Variants in CERS3 observed in about 807,000 individuals in gnomAD.
The protein encoded by CERS3 is LAG1 homolog, ceramide synthase 3.
Under a neutral mutation model 50.3 loss-of-function variants are expected in CERS3, and 33 were observed. The observed-to-expected ratio is 0.66, with a 90% CI of 0.50 to 0.88. CERS3 has a LOEUF of 0.88. CERS3 is among the 40% of genes least tolerant of loss of function. The pLI is 0.00. For missense variants in CERS3, 470 were observed against 460.3 expected, an observed-to-expected ratio of 1.02 and a Z score of -0.19; for synonymous variants, 176 against 155.2, an observed-to-expected ratio of 1.13 and a Z score of -0.99.
chr15:100,440,923 T>C (rs958717956), intron 11 of CERS3, among the ~76,000 whole-genome samples: 1 of 152,206 alleles, frequency 6.6e-6, no homozygotes, highest in African/African-American at 2.4e-5. Flanking sequence ...GACCCAAAAC[T>C]CCGGCACTGG....
chr15:100,469,305 C>A, intron 10 of CERS3, 73 bp downstream of exon 10: 2 of 1,114,988 alleles, frequency 1.8e-6, no homozygotes, highest in Non-Finnish European at 2.7e-6. Flanking sequence ...AGGGCAATGC[C>A]CTGAGGGTAA....
rs1470019229 is a variant in CERS3, at chr15:100,501,823, G to A, written c.27C>T (p.Phe9=). MFWTFKEW[F]WLERFWLPPT... The stretch of plus-strand genomic sequence containing the variant: ...GAGGAAGCCAGAATCTTTCCAACCA[G>A]AACCATTCTTTAAACGTCCAAAACA... Residue 9 remains phenylalanine, a synonymous_variant, in exon 3 of 12, where the codon TTC becomes TTT. Coordinates refer to ENST00000679737, the MANE Select transcript of CERS3 (RefSeq NM_001378789.1). The A allele has an allele frequency of 6.2e-7, 1 of 1,614,060 alleles. No individual in the cohort carries two copies. Among genetic ancestry groups the A allele is most frequent in the Admixed American group, 1.7e-5 (1 of 60,006 alleles).
chr15:100,472,681 A>G (rs977054349), intron 9 of CERS3, among the ~76,000 whole-genome samples: 4 of 152,202 alleles, frequency 2.6e-5, no homozygotes, highest in Non-Finnish European at 5.9e-5. Context: ...ATGTGCATGC[A>G]ACCTTCAGGA....
At chr15:100,507,643 C>A (rs1044420365) in intron 2 of CERS3, among the ~76,000 whole-genome samples, 2 of 152,226 alleles carry the variant, frequency 1.3e-5, no homozygotes, top group African/African-American at 4.8e-5. Context: ...ACATAGTAGT[C>A]AGTGAAAATT....
intron 1 of CERS3, among the ~76,000 whole-genome samples, chr15:100,525,153 T>C (rs997337325): frequency 6.6e-6 from 1 of 152,228 alleles, no homozygotes; most frequent in African/African-American, 2.4e-5. Flanking sequence ...AATGTGAGTG[T>C]GTGTTTACCA....
intron 2 of CERS3, among the ~76,000 whole-genome samples, chr15:100,521,019 CAAT>C (rs1478317755): frequency 3.3e-5 from 5 of 152,148 alleles, no homozygotes; most frequent in African/African-American, 9.7e-5. Context: ...ATCCTTACAA[CAAT>C]AATAATTATG....
intron 2 of CERS3, among the ~76,000 whole-genome samples, chr15:100,509,445 C>T (rs1444829061): frequency 1.3e-5 from 2 of 152,184 alleles, no homozygotes; most frequent in East Asian, 3.8e-4. Flanking sequence ...GAACATATCT[C>T]TCAGATAGAG....
At position 100,435,814 on chromosome 15, in the gene CERS3, G is replaced by T. The variant is rs556562797; in HGVS notation, c.999+20079C>A. ...CAACCCCATCAAAAAGTGGGTCAAG[G>T]GTATGAACAGACACTTTTCAAAAGA... On this transcript the variant is annotated intron_variant, in intron 11 of 11. Coordinates refer to ENST00000679737, the MANE Select transcript of CERS3 (RefSeq NM_001378789.1). 3.9e-5 allele frequency among the ~76,000 whole-genome samples: 6 copies of T among 152,190 alleles called. No homozygotes were observed. The East Asian group carries it at 1.2e-3, about 29-fold the overall frequency.
chr15:100,493,395 T>A (rs1425074889), intron 3 of CERS3, among the ~76,000 whole-genome samples: 4 of 152,224 alleles, frequency 2.6e-5, no homozygotes, highest in African/African-American at 9.6e-5. Flanking sequence ...TAGATGCTGA[T>A]GAGAAATCGA....
At chr15:100,421,674 C>G (rs1182280254) in intron 11 of CERS3, among the ~76,000 whole-genome samples, 7 of 150,402 alleles carry the variant, frequency 4.7e-5, no homozygotes, top group South Asian at 2.1e-4. Flanking sequence ...TGCTACCTGA[C>G]TTCAAACTAT....
intron 11 of CERS3, 94 bp from the exon 12 acceptor site, chr15:100,402,959 T>A: frequency 7.9e-7 from 1 of 1,268,082 alleles, no homozygotes; most frequent in Non-Finnish European, 1.1e-6. Context: ...TGGCTCCCTT[T>A]AAGGAAAACC....
At chr15:100,527,895 C>T (rs947631318) in intron 1 of CERS3, among the ~76,000 whole-genome samples, 4 of 124,920 alleles carry the variant, frequency 3.2e-5, no homozygotes, top group South Asian at 2.7e-4. Context: ...ACTTTTTATC[C>T]AGAAATTCTA....
intron 7 of CERS3, among the ~76,000 whole-genome samples, chr15:100,478,422 C>T (rs1039811571): frequency 6.6e-6 from 1 of 152,096 alleles, no homozygotes; most frequent in African/African-American, 2.4e-5. Flanking sequence ...TGGTAGACAG[C>T]ATGTAGTTTA....
chr15:100,543,571 C>A (rs1450372639), intron 1 of CERS3, among the ~76,000 whole-genome samples: 2 of 149,758 alleles, frequency 1.3e-5, no homozygotes, highest in African/African-American at 2.5e-5. Flanking sequence ...CTCTTGTTGC[C>A]CAGGCTGGAG....
chr15:100,515,818 C>G (rs755159057), intron 2 of CERS3, among the ~76,000 whole-genome samples: 12 of 152,118 alleles, frequency 7.9e-5, no homozygotes, highest in Non-Finnish European at 1.5e-4. Context: ...AATGGTGTTG[C>G]AAAACTGAGA....
intron 11 of CERS3, 120 bp from the exon 12 acceptor site, chr15:100,402,985 T>C: frequency 2.1e-6 from 2 of 965,692 alleles, no homozygotes; most frequent in Non-Finnish European, 3.0e-6. Context: ...TCCAAATAAC[T>C]AAACATTCAC....
At chr15:100,532,895 C>T (rs2036972460), upstream of CERS3, among the ~76,000 whole-genome samples, 1 of 152,170 alleles carries the variant, frequency 6.6e-6, no homozygotes, top group Non-Finnish European at 1.5e-5. Flanking sequence ...GGATCAATAC[C>T]TACCCCGCTC....
At chr15:100,482,714 A>G (rs935813353) in intron 5 of CERS3, among the ~76,000 whole-genome samples, 13 of 152,304 alleles carry the variant, frequency 8.5e-5, no homozygotes, top group Admixed American at 5.9e-4. Context: ...ACTGAACCCA[A>G]CGTGCCTGGG....
At chr15:100,405,426 G>A (rs952564939) in intron 11 of CERS3, among the ~76,000 whole-genome samples, 9 of 152,052 alleles carry the variant, frequency 5.9e-5, no homozygotes, top group African/African-American at 2.2e-4. Context: ...AATAGCACAA[G>A]TTAAAATGAC....
Sources: gnomAD v4.1 joint callset for allele counts (sites outside exome capture counted in the v4.1 genomes callset) on GRCh38, gnomAD v4.1.1 for gene constraint, MANE v1.5 for transcripts, NCBI Gene and HGNC (gene_info 2026-07-23, HGNC 2026-07-21) for gene names.